Variants in DPY30 observed in about 807,000 individuals in gnomAD.
DPY30 encodes the protein dpy-30 histone methyltransferase complex regulatory subunit.
Under a neutral mutation model 16.2 loss-of-function variants are expected in DPY30, and 6 were observed. The observed-to-expected ratio is 0.37, with a 90% CI of 0.20 to 0.73. The LOEUF is 0.73. Ranked by LOEUF, DPY30 falls within the 30% of genes least tolerant of loss-of-function variation. The probability of loss-of-function intolerance (pLI) is 0.51; values close to 1 mark genes in which losing one functional copy is unlikely to be tolerated. For synonymous variants in DPY30, 39 were observed against 38.8 expected, an observed-to-expected ratio of 1.00 and a Z score of -0.02; for missense variants, 73 against 113.1, an observed-to-expected ratio of 0.65 and a Z score of 1.61.
intron 5 of DPY30, chr2:32,013,484 C>T (rs987771855): frequency 6.6e-6 from 1 of 152,160 alleles, no homozygotes; most frequent in Non-Finnish European, 1.5e-5. Flanking sequence ...GAGGTTGAAA[C>T]TATTCATTTA....
intron 4 of DPY30, among the ~76,000 whole-genome samples, chr2:32,027,940 A>G (rs550664971): frequency 2.6e-5 from 4 of 152,160 alleles, no homozygotes; most frequent in Non-Finnish European, 5.9e-5. Context: ...AGATACCCAT[A>G]TTTTAATTGT....
intron 3 of DPY30, among the ~76,000 whole-genome samples, chr2:32,038,980 C>A (rs1380908034): frequency 3.3e-5 from 5 of 152,042 alleles, no homozygotes; most frequent in Non-Finnish European, 2.9e-5. Context: ...GCGGTTTTTA[C>A]GTAGCAACAT....
downstream of DPY30, among the ~76,000 whole-genome samples, chr2:32,021,974 C>G (rs1256354607): frequency 6.6e-6 from 1 of 151,968 alleles, no homozygotes; most frequent in African/African-American, 2.4e-5. Flanking sequence ...CTTTGGGAGG[C>G]TGAGGTGGGC....
intron 3 of DPY30, among the ~76,000 whole-genome samples, chr2:32,030,385 C>A (rs1458893489): frequency 6.6e-6 from 1 of 152,110 alleles, no homozygotes; most frequent in Non-Finnish European, 1.5e-5. Flanking sequence ...AATCCCAGCA[C>A]TTTGGGAGGC....
At chr2:32,021,855 A>C (rs1558583253), downstream of DPY30, among the ~76,000 whole-genome samples, 1 of 152,096 alleles carries the variant, frequency 6.6e-6, no homozygotes, top group African/African-American at 2.4e-5. Context: ...AGTTCCCCCA[A>C]GTAGCTCTGA....
chr2:32,024,446 A>G (rs1675260924), intron 4 of DPY30, among the ~76,000 whole-genome samples, 190 bp from the exon 5 acceptor site: 1 of 152,198 alleles, frequency 6.6e-6, no homozygotes, highest in Non-Finnish European at 1.5e-5. Context: ...GTTTAATGAG[A>G]CTGAAATTTT....
intron 3 of DPY30, among the ~76,000 whole-genome samples, chr2:32,030,315 C>CA (rs1396177111): frequency 6.6e-6 from 1 of 152,018 alleles, no homozygotes; most frequent in Non-Finnish European, 1.5e-5. Context: ...TGGACAACTG[C>CA]AAAATCCAGT....
intron 4 of DPY30, among the ~76,000 whole-genome samples, chr2:32,025,819 G>A (rs1046829109): frequency 4.8e-5 from 7 of 145,450 alleles, no homozygotes; most frequent in African/African-American, 1.0e-4. Context: ...AAACAACACC[G>A]TACTTGGGCC....
At chr2:32,019,835 AATATATAT>A (rs901989516), downstream of DPY30, among the ~76,000 whole-genome samples, 2 of 123,050 alleles carry the variant, frequency 1.6e-5, no homozygotes, top group African/African-American at 6.8e-5. Flanking sequence ...AAAAAAAAAA[AATATATAT>A]ATATATATAT....
chr2:32,039,775 A>G lies in DPY30; in HGVS notation c.-79T>C. 2.3e-6 allele frequency: 1 copy of G among 430,122 alleles called. No individual in the cohort carries two copies. Among genetic ancestry groups the G allele is most frequent in the Non-Finnish European group, 4.2e-6 (1 of 235,972 alleles). The allele number at this position is 430,122 out of a possible 1,614,324, so 26.6% of individuals were successfully genotyped here. On this transcript the variant is annotated 5_prime_UTR_variant, in exon 1 of 5. Transcript: ENST00000342166. Reference sequence around the variant, plus strand: ...GTTCTTAAGAGCCCTGCACCGCGCCACCAGCTCCCAGCACAAACAGCTCCG... The same window carrying G: ...GTTCTTAAGAGCCCTGCACCGCGCCGCCAGCTCCCAGCACAAACAGCTCCG...
rs544109103 is a variant in DPY30 at position 32,032,755 on chromosome 2, T to C, written c.85-3019A>G. Among the ~76,000 whole-genome samples, 9 of 152,312 alleles carry C rather than the reference T, an allele frequency of 5.9e-5. No individual in the cohort carries two copies. The South Asian group carries it at 1.7e-3, about 28-fold the overall frequency. On this transcript the variant is annotated intron_variant, in intron 3 of 4. Coordinates refer to ENST00000342166, the MANE Select transcript of DPY30 (RefSeq NM_001321209.2). Reference sequence around the variant, plus strand: ...GCTCACGCCTATAATCCCAGCACTTTAGGAGGCCGAGGCAGCTGGACCACG... The same window carrying C: ...GCTCACGCCTATAATCCCAGCACTTCAGGAGGCCGAGGCAGCTGGACCACG...
chr2:32,027,403 A>G (rs894797828), intron 4 of DPY30, among the ~76,000 whole-genome samples: 12 of 151,410 alleles, frequency 7.9e-5, no homozygotes, highest in Admixed American at 7.9e-4. Flanking sequence ...GCTGACAGGC[A>G]CCTGTAATCC....
chr2:32,014,722 A>C (rs1447838903), intron 5 of DPY30, among the ~76,000 whole-genome samples: 2 of 151,876 alleles, frequency 1.3e-5, no homozygotes, highest in African/African-American at 4.8e-5. Flanking sequence ...TGACCTCGTG[A>C]TCTGCCCGCC....
intron 5 of DPY30, chr2:32,012,948 G>A (rs950963888): frequency 6.6e-6 from 1 of 152,214 alleles, no homozygotes; most frequent in African/African-American, 2.4e-5. Context: ...GAGGTGTGGG[G>A]TGTTGTGGGG....
Position 32,026,107 on chromosome 2 carries a change from C to CA in DPY30, c.228-1852dup, listed in dbSNP as rs546752868. Among the ~76,000 whole-genome samples the CA allele has an allele frequency of 3.8e-3, 560 of 146,448 alleles. 2 individuals carry two copies. Among genetic ancestry groups the CA allele is most frequent in the Admixed American group, 0.011 (164 of 14,622 alleles). On this transcript the variant is annotated intron_variant, in intron 4 of 4. Coordinates refer to ENST00000342166, the MANE Select transcript of DPY30 (RefSeq NM_001321209.2). ...GGGGCAACAGAGCAAGACTCCATGT[C>CA]AAAAAAAAAAATTTGTGTTTTAACA...
At chr2:32,039,550 G>C in intron 1 of DPY30, 58 bp from the exon 2 acceptor site, 3 of 1,558,792 alleles carry the variant, frequency 1.9e-6, no homozygotes, top group Non-Finnish European at 2.6e-6. Flanking sequence ...AAGACTCCAG[G>C]ATGGAGTGCA....
chr2:32,024,251 G>C lies in DPY30; in HGVS notation c.233C>G (p.Pro78Arg). The C allele has an allele frequency of 6.2e-7, 1 of 1,609,510 alleles. No individual in the cohort carries two copies. The highest frequency in any genetic ancestry group is 8.5e-7 in the Non-Finnish European group (1 of 1,176,738). ...GLAVLAKERP[P>R]NPIEFLASYL... ...AGATGCTAGAAATTCAATGGGATTTGGTGGTCTGTAAGGGAAAAGAAATCC... is the reference window on the plus strand; with the variant it reads ...AGATGCTAGAAATTCAATGGGATTTCGTGGTCTGTAAGGGAAAAGAAATCC... The change falls in exon 5 of 5, where the codon CCA (proline) becomes CGA (arginine). Residue 78 changes from proline to arginine, a missense_variant. This residue lies in a region of DPY30 where 20 missense variants were observed against 25.3 expected (regional missense o/e 0.79). Transcript: ENST00000342166.
chr2:32,017,536 A>G (rs1675088212), intron 5 of DPY30, among the ~76,000 whole-genome samples: 1 of 151,384 alleles, frequency 6.6e-6, no homozygotes, highest in Non-Finnish European at 1.5e-5. Context: ...AGAAGCTTCT[A>G]CCTGGGAGGC....
chr2:32,029,788 T>C (rs567756270), intron 3 of DPY30, 52 bp from the exon 4 acceptor site: 21 of 1,599,202 alleles, frequency 1.3e-5, no homozygotes, highest in African/African-American at 8.0e-5. Flanking sequence ...CCAGGTTATT[T>C]TGAGTGCTAA....
Sources: allele counts gnomAD v4.1 joint callset (sites outside exome capture counted in the v4.1 genomes callset), GRCh38; gene constraint gnomAD v4.1.1; regional missense constraint gnomAD v4.1.1; transcripts MANE v1.5; gene names NCBI Gene and HGNC (gene_info 2026-07-23, HGNC 2026-07-21).